KAZN: variants seen among roughly 807,000 people sequenced by gnomAD.
The protein encoded by KAZN is kazrin, periplakin interacting protein, also known as kazrin.
Under a neutral mutation model 87.4 loss-of-function variants are expected in KAZN, and 40 were observed. That is an observed-to-expected ratio of 0.46 (90% CI 0.36 to 0.60). The LOEUF (loss-of-function observed/expected upper bound fraction) is 0.60. KAZN is among the 20% of genes least tolerant of loss of function. The probability of loss-of-function intolerance (pLI) is 0.00; values close to 1 mark genes in which losing one functional copy is unlikely to be tolerated. For missense variants in KAZN, 898 were observed against 1,073.9 expected (o/e 0.84, Z 2.29); for synonymous variants, 466 against 458.3 (o/e 1.02, Z -0.22).
chr1:14,366,125 T>G (rs150652117), intron 2 of KAZN, among the ~76,000 whole-genome samples: 1 of 152,244 alleles, frequency 6.6e-6, no homozygotes, highest in Non-Finnish European at 1.5e-5. Context: ...TTGCAGCTGT[T>G]CCCATTTAAA....
chr1:14,836,495 G>A (rs1413308897), intron 1 of KAZN, among the ~76,000 whole-genome samples: 2 of 152,180 alleles, frequency 1.3e-5, no homozygotes. Context: ...GAGGTTCCAG[G>A]TTCTGACCCT....
intron 1 of KAZN, among the ~76,000 whole-genome samples, chr1:14,700,490 A>C (rs2148803005): frequency 6.6e-6 from 1 of 151,848 alleles, no homozygotes; most frequent in South Asian, 2.1e-4. Context: ...AAAAATAGTC[A>C]GAGGCTGTGC....
At chr1:14,833,999 A>G (rs1398256947) in intron 1 of KAZN, among the ~76,000 whole-genome samples, 3 of 150,126 alleles carry the variant, frequency 2.0e-5, no homozygotes, top group Non-Finnish European at 4.4e-5. Context: ...ACACACACAC[A>G]CACACACACA....
intron 1 of KAZN, among the ~76,000 whole-genome samples, chr1:14,621,478 C>T (rs543509987): frequency 1.2e-4 from 18 of 152,298 alleles, no homozygotes; most frequent in African/African-American, 4.1e-4. Context: ...GACAGGTCTC[C>T]TCAGAGCCCC....
intron 2 of KAZN, among the ~76,000 whole-genome samples, chr1:14,590,518 TTAGC>T (rs1458599039): frequency 6.6e-6 from 1 of 152,206 alleles, no homozygotes; most frequent in Non-Finnish European, 1.5e-5. Flanking sequence ...ATTCTACCTC[TTAGC>T]TAGGTGAATG....
chr1:14,650,032 CTTTTTTTTTT>C (rs34399319), intron 1 of KAZN, among the ~76,000 whole-genome samples: 192 of 88,342 alleles, frequency 2.2e-3, no homozygotes, highest in African/African-American at 5.1e-3. Flanking sequence ...CTCCACCCAT[CTTTTTTTTTT>C]TTTTTTTTTT....
intron 1 of KAZN, among the ~76,000 whole-genome samples, chr1:14,845,748 C>T (rs961802179): frequency 2.6e-5 from 4 of 151,914 alleles, no homozygotes; most frequent in Admixed American, 6.6e-5. Flanking sequence ...ATGGAGGAAA[C>T]GCTAAAATGG....
intron 1 of KAZN, among the ~76,000 whole-genome samples, chr1:13,907,566 C>T (rs552292128): frequency 6.6e-6 from 1 of 152,118 alleles, no homozygotes; most frequent in African/African-American, 2.4e-5. Flanking sequence ...TATCTGGTCT[C>T]TGTTACTCTC....
chr1:15,058,675 C>T (rs549517281), intron 5 of KAZN, among the ~76,000 whole-genome samples: 11 of 152,280 alleles, frequency 7.2e-5, no homozygotes. Flanking sequence ...GGTACCTGCC[C>T]TCACAGAGCA....
chr1:14,409,347 A>G (rs72870821), intron 2 of KAZN, among the ~76,000 whole-genome samples: 2,679 of 152,198 alleles, frequency 0.018, 80 homozygotes, highest in African/African-American at 0.06. Context: ...TGAAGCCAGG[A>G]CTCTGGGAGG....
intron 2 of KAZN, among the ~76,000 whole-genome samples, chr1:14,462,521 G>A (rs12117941): frequency 0.072 from 11,027 of 152,106 alleles, 624 homozygotes; most frequent in South Asian, 0.13. Flanking sequence ...TTTTGCTTGG[G>A]GGGCTTAGCC....
intron 2 of KAZN, among the ~76,000 whole-genome samples, chr1:14,243,477 G>A (rs542457859): frequency 1.8e-3 from 274 of 152,216 alleles, no homozygotes; most frequent in African/African-American, 6.3e-3. Flanking sequence ...GGCGATGGTC[G>A]GTTTTGGTTT....
chr1:14,358,440 T>A (rs1304465513), intron 2 of KAZN, among the ~76,000 whole-genome samples: 1 of 152,058 alleles, frequency 6.6e-6, no homozygotes, highest in African/African-American at 2.4e-5. Context: ...CTGCTCTGAT[T>A]TTAGTTATTT....
intron 1 of KAZN, among the ~76,000 whole-genome samples, chr1:14,911,988 C>T (rs1303596357): frequency 6.6e-6 from 1 of 151,812 alleles, no homozygotes; most frequent in Non-Finnish European, 1.5e-5. Flanking sequence ...GTTATCTCTA[C>T]TAAAAATACA....
Position 14,154,178 on chromosome 1 carries a change from C to T in KAZN, c.92-26257C>T, listed in dbSNP as rs902844669. On this transcript the variant is annotated intron_variant, in intron 1 of 16. Coordinates refer to the KAZN transcript ENST00000636203. ...TGTTTTGATCCTCTTCAATTTCTTT[C>T]GTCAGTGTTCTGTAGTTTTCTTTCC... Among the ~76,000 whole-genome samples, 9 of 152,082 alleles carry T rather than the reference C, an allele frequency of 5.9e-5. No individual in the cohort carries two copies. In the East Asian group the frequency reaches 1.2e-3, roughly 20 times the overall value.
intron 2 of KAZN, among the ~76,000 whole-genome samples, chr1:14,387,592 C>T (rs1419164124): frequency 6.6e-6 from 1 of 152,140 alleles, no homozygotes; most frequent in Non-Finnish European, 1.5e-5. Context: ...TCAGTCTGCC[C>T]CTGCTTGGGG....
At chr1:14,369,073 C>A (rs1660255070) in intron 2 of KAZN, among the ~76,000 whole-genome samples, 1 of 152,190 alleles carries the variant, frequency 6.6e-6, no homozygotes, top group African/African-American at 2.4e-5. Context: ...TCACTAGCAA[C>A]TGCTAGAGAT....
intron 2 of KAZN, among the ~76,000 whole-genome samples, chr1:14,580,174 G>T (rs964811988): frequency 6.6e-6 from 1 of 152,124 alleles, no homozygotes; most frequent in Non-Finnish European, 1.5e-5. Flanking sequence ...GCTGGCGAAT[G>T]TATCTTTAAA....
intron 2 of KAZN, among the ~76,000 whole-genome samples, chr1:14,988,523 C>T (rs961192185): frequency 4.6e-5 from 7 of 152,200 alleles, no homozygotes; most frequent in African/African-American, 1.7e-4. Flanking sequence ...GCGTGCTGCC[C>T]TCAGAATTGC....
Sources: allele counts gnomAD v4.1 joint callset (sites outside exome capture counted in the v4.1 genomes callset), GRCh38; gene constraint gnomAD v4.1.1; transcripts MANE v1.5; gene names NCBI Gene and HGNC (gene_info 2026-07-23, HGNC 2026-07-21).